NBPF26: variants seen among roughly 807,000 people sequenced by gnomAD.
NBPF26 encodes the protein NBPF member 26, also known as NBPF family member NBPF26.
NBPF26 carries 79 observed loss-of-function variants against 119.6 expected under a neutral mutation model. That is an observed-to-expected ratio of 0.66 (90% CI 0.55 to 0.80). NBPF26 has a LOEUF of 0.80. Ranked by LOEUF, NBPF26 falls within the 30% of genes least tolerant of loss-of-function variation. The pLI is 0.00. For missense variants in NBPF26, 800 were observed against 1,198.2 expected, an observed-to-expected ratio of 0.67 and a Z score of 4.91; for synonymous variants, 299 against 457.7, an observed-to-expected ratio of 0.65 and a Z score of 4.43.
chr1:120,737,712 C>T (rs1339545408), intron 1 of NBPF26, among the ~76,000 whole-genome samples: 2 of 124,794 alleles, frequency 1.6e-5, no homozygotes, highest in Admixed American at 7.7e-5. Context: ...TGAGACAACT[C>T]GGCAGGTCTG....
chr1:120,823,344 G>A lies in NBPF26; in HGVS notation c.2623G>A (p.Glu875Lys), dbSNP rs1553272251. The change falls in exon 17 of 30, where the codon GAG (glutamate) becomes AAG (lysine). Residue 875 changes from glutamate to lysine, a missense_variant. By Grantham distance (56) the Glu-to-Lys change is moderately conservative. Around this residue, in one of 13 missense-constraint regions of NBPF26, gnomAD observed 73 missense variants for 50.7 expected, o/e 1.44. Coordinates refer to ENST00000620612, the Ensembl canonical transcript of NBPF26. ...GGATCAAGTGAAAAAGGAGGACCAC[G>A]AGGCAACAGGTCCCAGGTGAGTCTG... The A allele has an allele frequency of 3.1e-5, 44 of 1,420,944 alleles. 10 individuals carry two copies. The highest frequency in any genetic ancestry group is 4.1e-5 in the Non-Finnish European group (44 of 1,068,718). The allele number at this position is 1,420,944 out of a possible 1,614,324, so 88.0% of individuals were successfully genotyped here.
chr1:120,778,032 T>C (rs1651317846), intron 2 of NBPF26, among the ~76,000 whole-genome samples: 1 of 86,602 alleles, frequency 1.2e-5, no homozygotes, highest in Non-Finnish European at 2.0e-5. Context: ...ATAGGAACTT[T>C]CACTGGTTCC....
chr1:120,817,262 A>T (rs1652029449), intron 14 of NBPF26, among the ~76,000 whole-genome samples: 1 of 112,932 alleles, frequency 8.9e-6, no homozygotes, highest in Non-Finnish European at 1.7e-5. Flanking sequence ...ATCTCCTTTA[A>T]GTCAGCTTGC....
At position 120,813,055 on chromosome 1, in the gene NBPF26, G is replaced by A. The variant is rs1472453851; in HGVS notation, c.1775-836G>A. 2.6e-4 allele frequency among the ~76,000 whole-genome samples: 31 copies of A among 119,092 alleles called. 4 individuals carry two copies. Among genetic ancestry groups the A allele is most frequent in the Non-Finnish European group, 3.3e-4 (20 of 60,920 alleles). The allele number at this position is 119,092 out of a possible 152,430, so 78.1% of individuals were successfully genotyped here. A position where few individuals can be genotyped will look rare whatever the true frequency, so the allele number is the denominator to read the frequency against. On this transcript the variant is annotated intron_variant, in intron 10 of 29. Coordinates refer to ENST00000620612, the Ensembl canonical transcript of NBPF26. ...TTGTTGCTAAAGAGGAAGAAAGATC[G>A]CACCCGAGAATGTGTGGAGATAGCA...
At chr1:120,816,644 A>G (rs1652013963) in exon 14 of NBPF26, 1 of 1,108,406 alleles carries the variant, frequency 9.0e-7, no homozygotes, top group Non-Finnish European at 1.2e-6. Context: ...GGCTGAAGAA[A>G]AGGAAGTCCC....
In NBPF26 at chr1:120,794,193, G is replaced by C. The variant is rs1293900223; in HGVS notation, c.751+697G>C. 4.4e-3 allele frequency among the ~76,000 whole-genome samples: 516 copies of C among 116,138 alleles called. 33 individuals carry two copies. The highest frequency in any genetic ancestry group is 6.0e-3 in the Non-Finnish European group (363 of 60,530). 76.2% of individuals were successfully genotyped at this position (116,138 alleles called of 152,430 possible). A position where few individuals can be genotyped will look rare whatever the true frequency, so the allele number is the denominator to read the frequency against. On this transcript the variant is annotated intron_variant, in intron 4 of 29. Transcript: ENST00000620612. ...TACACTCTTCACTGATACAAGTGTT[G>C]TAGAGTGCACACACAACCCAAAGAT...
intron 12 of NBPF26, 57 bp downstream of exon 12, chr1:120,815,100 A>C: frequency 7.9e-7 from 1 of 1,259,578 alleles, no homozygotes; most frequent in Non-Finnish European, 1.1e-6. Flanking sequence ...GAGACTCCAG[A>C]CCTCCATACT....
At chr1:120,806,884 G>A (rs1651701462) in intron 5 of NBPF26, among the ~76,000 whole-genome samples, 1 of 124,150 alleles carries the variant, frequency 8.1e-6, no homozygotes, top group Non-Finnish European at 1.6e-5. Context: ...TGAATTACAT[G>A]AGGTATTTCC....
chr1:120,823,249 G>A (rs1652162703), intron 16 of NBPF26, 60 bp from the exon 17 acceptor site: 3 of 828,574 alleles, frequency 3.6e-6, no homozygotes, highest in East Asian at 2.4e-5. Flanking sequence ...ACAGAGGAAT[G>A]TTTCTGTGTG....
chr1:120,812,951 TAATAATA>T (rs1651908008), intron 10 of NBPF26, among the ~76,000 whole-genome samples: 2 of 100,442 alleles, frequency 2.0e-5, no homozygotes, highest in African/African-American at 1.2e-4. Flanking sequence ...ATAATAATAA[TAATAATA>T]AATAAAAATA....
At chr1:120,839,763 G>T in intron 29 of NBPF26, 23 bp downstream of exon 35, 1 of 37,032 alleles carries the variant, frequency 2.7e-5, no homozygotes, top group East Asian at 1.0e-3. Flanking sequence ...AATTGTGGAT[G>T]CTTAATTCTG....
exon 29 of NBPF26, chr1:120,839,717 A>T: frequency 1.4e-5 from 1 of 71,438 alleles, no homozygotes; most frequent in Non-Finnish European, 2.7e-5. Flanking sequence ...AAGGGGAAGA[A>T]GATCAAAACC....
Position 120,811,043 on chromosome 1 carries a change from A to G in NBPF26, c.1564+485A>G, listed in dbSNP as rs1651849020. Among the ~76,000 whole-genome samples, 2 of 100,558 alleles carry G rather than the reference A, an allele frequency of 2.0e-5. 1 individual carries two copies. Among genetic ancestry groups the G allele is most frequent in the Non-Finnish European group, 3.7e-5 (2 of 53,406 alleles). The allele number at this position is 100,558 out of a possible 152,430, so 66.0% of individuals were successfully genotyped here. A position where few individuals can be genotyped will look rare whatever the true frequency, so the allele number is the denominator to read the frequency against. ...ATCATGAGGTCAGGAGATTGAGACC[A>G]TCCTGGCTAACACGGTGAAACCCCG... On this transcript the variant is annotated intron_variant, in intron 9 of 29. Coordinates refer to ENST00000620612, the Ensembl canonical transcript of NBPF26.
At chr1:120,794,251 T>C (rs1207850353) in intron 4 of NBPF26, among the ~76,000 whole-genome samples, 1 of 112,730 alleles carries the variant, frequency 8.9e-6, no homozygotes, top group East Asian at 2.2e-4. Flanking sequence ...TCGGGGAGCT[T>C]GGGGCCTGGT....
At chr1:120,840,647 C>A, downstream of NBPF26, 25 of 1,447,120 alleles carry the variant, frequency 1.7e-5, 4 homozygotes, top group Non-Finnish European at 2.3e-5. Context: ...CCTATAGGCA[C>A]GTGAAGATTT....
chr1:120,814,597 G>A (rs2101518466), intron 11 of NBPF26, among the ~76,000 whole-genome samples: 1 of 123,004 alleles, frequency 8.1e-6, no homozygotes, highest in East Asian at 2.0e-4. Flanking sequence ...TTACAGAAGA[G>A]AAAGATGAAT....
At chr1:120,726,084 A>G in intron 1 of NBPF26, among the ~76,000 whole-genome samples, 1 of 101,616 alleles carries the variant, frequency 9.8e-6, no homozygotes, top group African/African-American at 6.6e-5. Context: ...AAGTGATTTG[A>G]AAAATTAAGT....
chr1:120,821,672 ATATAT>A (rs1172739371), intron 15 of NBPF26, among the ~76,000 whole-genome samples: 5 of 65,652 alleles, frequency 7.6e-5, no homozygotes, highest in Admixed American at 7.6e-4. Flanking sequence ...GAAAAAGTAA[ATATAT>A]TATATCAAAA....
chr1:120,790,085 G>A lies in NBPF26; in HGVS notation c.416-3076G>A, dbSNP rs1159145241. 4.8e-5 allele frequency among the ~76,000 whole-genome samples: 4 copies of A among 83,610 alleles called. No homozygotes were observed. The South Asian group carries it at 1.4e-3, about 30-fold the overall frequency. The allele number at this position is 83,610 out of a possible 152,430, so 54.9% of individuals were successfully genotyped here. ...AGGCTGGAGTGCAGGGCGCAATCTCGGTTCACTGCAAGTTCCACCTCCCGG... is the reference window on the plus strand; with the variant it reads ...AGGCTGGAGTGCAGGGCGCAATCTCAGTTCACTGCAAGTTCCACCTCCCGG... On this transcript the variant is annotated intron_variant, in intron 3 of 29. Coordinates refer to ENST00000620612, the Ensembl canonical transcript of NBPF26.
Sources: allele counts gnomAD v4.1 joint callset (sites outside exome capture counted in the v4.1 genomes callset), GRCh38; gene constraint gnomAD v4.1.1; regional missense constraint gnomAD v4.1.1; transcripts MANE v1.5; gene names NCBI Gene and HGNC (gene_info 2026-07-23, HGNC 2026-07-21).